ERBB2: variants seen among roughly 807,000 people sequenced by gnomAD.
The protein encoded by ERBB2 is erb-b2 receptor tyrosine kinase 2.
ERBB2 carries 61 observed loss-of-function variants against 149.0 expected under a neutral mutation model. That is an observed-to-expected ratio of 0.41 (90% CI 0.33 to 0.51). The LOEUF is 0.51. ERBB2 is among the 20% of genes least tolerant of loss of function. The probability of loss-of-function intolerance (pLI) is 0.25; values close to 1 mark genes in which losing one functional copy is unlikely to be tolerated. For synonymous variants in ERBB2, 633 were observed against 678.8 expected (o/e 0.93, Z 1.05); for missense variants, 1,205 against 1,655.1 (o/e 0.73, Z 4.72).
rs201939892 is a variant in ERBB2 at position 39,723,690 on chromosome 17, C to T, written c.2208+30C>T. On this transcript the variant is annotated intron_variant, in intron 18 of 26. Transcript: ENST00000269571. This position sits in a 1 kb window ranked among gnomAD's most constrained non-coding sequence, Gnocchi z 6.2. Reference sequence around the variant, plus strand: ...GGGCCAGGTCCTGGGGTGGGCGGCCCCAGAGGATGGGGGCGGTGCCTGGAG... The same window carrying T: ...GGGCCAGGTCCTGGGGTGGGCGGCCTCAGAGGATGGGGGCGGTGCCTGGAG... 67 of 1,589,972 alleles carry T rather than the reference C, an allele frequency of 4.2e-5. No homozygotes were observed. Among genetic ancestry groups the T allele is most frequent in the Non-Finnish European group, 5.6e-5 (65 of 1,168,226 alleles).
Position 39,727,183 on chromosome 17 carries a change from T to A in ERBB2, c.3160-112T>A. 7.2e-7 allele frequency: 1 copy of A among 1,384,124 alleles called. No homozygotes were observed. Among genetic ancestry groups the A allele is most frequent in the South Asian group, 1.3e-5 (1 of 79,954 alleles). The allele number at this position is 1,384,124 out of a possible 1,614,324, so 85.7% of individuals were successfully genotyped here. A position where few individuals can be genotyped will look rare whatever the true frequency, so the allele number is the denominator to read the frequency against. Reference sequence around the variant, plus strand: ...CCCCATTCTCTCCACGGTGACTGTGTCATACCCCAAAGGTGACCTCTGTTT... The same window carrying A: ...CCCCATTCTCTCCACGGTGACTGTGACATACCCCAAAGGTGACCTCTGTTT... On this transcript the variant is annotated intron_variant, in intron 25 of 26. Transcript: ENST00000269571. The surrounding 1 kb of genome is among the most constrained non-coding windows in gnomAD (Gnocchi z 4.3).
chr17:39,700,026 T>C (rs764665578), upstream of ERBB2: 61 of 1,267,618 alleles, frequency 4.8e-5, no homozygotes, highest in South Asian at 9.3e-5. Flanking sequence ...GGAGGGCTGC[T>C]TGAGGAAGTA....
At position 39,728,531 on chromosome 17, in the gene ERBB2, TTTTTG is replaced by T. The variant is rs1420282176; in HGVS notation, c.*497_*501del. ...GTGCTTTTCTGTTTAGTTTTTACTT[TTTTTG>T]TTTTGTTTTTTTAAAGATGAAATAA... is the stretch of plus-strand genomic sequence containing the variant. On this transcript the variant is annotated 3_prime_UTR_variant, in exon 27 of 27. Coordinates refer to ENST00000269571, the MANE Select transcript of ERBB2 (RefSeq NM_004448.4). The T allele has an allele frequency of 1.3e-5, 3 of 235,780 alleles. No homozygotes were observed. Among genetic ancestry groups the T allele is most frequent in the African/African-American group, 2.2e-5 (1 of 45,420 alleles). The allele number at this position is 235,780 out of a possible 1,614,324, so 14.6% of individuals were successfully genotyped here.
chr17:39,693,758 G>A (rs1209688191), upstream of ERBB2, among the ~76,000 whole-genome samples: 1 of 140,082 alleles, frequency 7.1e-6, no homozygotes, highest in Admixed American at 7.1e-5. Context: ...ACTCCATCTC[G>A]AAAATAAAAT....
chr17:39,697,349 G>GTTT (rs1452125824), upstream of ERBB2, among the ~76,000 whole-genome samples: 19 of 132,330 alleles, frequency 1.4e-4, no homozygotes, highest in African/African-American at 4.0e-4. Context: ...TTGTTTTTTT[G>GTTT]TTTTGTTTTT....
intron 1 of ERBB2, 182 bp from the exon 2 acceptor site, chr17:39,706,808 A>T: frequency 2.2e-6 from 1 of 459,788 alleles, no homozygotes; most frequent in Non-Finnish European, 3.6e-6. Flanking sequence ...TCTACTTCCC[A>T]AGCACGCAAG....
intron 9 of ERBB2, among the ~76,000 whole-genome samples, chr17:39,713,493 G>A (rs1051004746): frequency 6.0e-5 from 9 of 149,758 alleles, no homozygotes; most frequent in Non-Finnish European, 1.0e-4. Context: ...GCTCACGCCT[G>A]TAATCCCAGC....
Position 39,726,207 on chromosome 17 carries a change from G to A in ERBB2, c.2872+354G>A. Reference sequence around the variant, plus strand: ...AAATTATCTGGGTGTGGTGGTGTGTGCCAGTAGTCCCAGCTACTCAGGAGA... The same window carrying A: ...AAATTATCTGGGTGTGGTGGTGTGTACCAGTAGTCCCAGCTACTCAGGAGA... On this transcript the variant is annotated intron_variant, in intron 23 of 26. Coordinates refer to ENST00000269571, the MANE Select transcript of ERBB2 (RefSeq NM_004448.4). The surrounding 1 kb of genome is among the most constrained non-coding windows in gnomAD (Gnocchi z 5.1). The A allele has an allele frequency of 2.4e-6, 1 of 409,432 alleles. No individual in the cohort carries two copies. 25.4% of individuals were successfully genotyped at this position (409,432 alleles called of 1,614,324 possible).
At chr17:39,691,362 T>C (rs893890302), upstream of ERBB2, among the ~76,000 whole-genome samples, 8 of 151,530 alleles carry the variant, frequency 5.3e-5, no homozygotes, top group Non-Finnish European at 1.2e-4. Flanking sequence ...GCCAACATGG[T>C]GAAACCCCAT....
chr17:39,691,574 TAC>T (rs1173386743), upstream of ERBB2, among the ~76,000 whole-genome samples: 1,604 of 121,982 alleles, frequency 0.013, 92 homozygotes, highest in African/African-American at 0.058. Context: ...TATATATATA[TAC>T]ACACACACAC....
intron 8 of ERBB2, 71 bp downstream of exon 8, chr17:39,712,118 C>T: frequency 1.2e-6 from 2 of 1,608,332 alleles, no homozygotes; most frequent in South Asian, 1.1e-5. Context: ...GCCCAGCCCA[C>T]CCTGTCCTAT....
chr17:39,713,770 A>G (rs976171841), intron 9 of ERBB2, among the ~76,000 whole-genome samples: 11 of 146,930 alleles, frequency 7.5e-5, no homozygotes, highest in Non-Finnish European at 1.5e-4. Context: ...AAAAAAAAAA[A>G]AAGGGTCAGG....
At chr17:39,690,788 G>A (rs950506984), upstream of ERBB2, among the ~76,000 whole-genome samples, 2 of 152,096 alleles carry the variant, frequency 1.3e-5, no homozygotes, top group African/African-American at 4.8e-5. Context: ...CTTCAACTCA[G>A]GCTTATTGAG....
chr17:39,689,351 A>G (rs1450053769), intron 2 of ERBB2, among the ~76,000 whole-genome samples: 1 of 152,146 alleles, frequency 6.6e-6, no homozygotes, highest in Non-Finnish European at 1.5e-5. Context: ...TTGACCACCC[A>G]ACTGATACTG....
At chr17:39,714,019 C>T (rs1467656082) in intron 9 of ERBB2, among the ~76,000 whole-genome samples, 1 of 141,256 alleles carries the variant, frequency 7.1e-6, no homozygotes, top group Non-Finnish European at 1.5e-5. Flanking sequence ...AATCATGTCA[C>T]TGTACTCCAG....
chr17:39,706,388 A>G (rs1261370033), intron 1 of ERBB2, among the ~76,000 whole-genome samples: 1 of 152,178 alleles, frequency 6.6e-6, no homozygotes, highest in Admixed American at 6.5e-5. Flanking sequence ...TTTTCTCTTC[A>G]TGGGGGACTC....
At chr17:39,712,671 A>G (rs2058879416) in intron 9 of ERBB2, among the ~76,000 whole-genome samples, 1 of 152,204 alleles carries the variant, frequency 6.6e-6, no homozygotes, top group African/African-American at 2.4e-5. Flanking sequence ...TGGAGGTCAG[A>G]CCATCTAGAT....
upstream of ERBB2, chr17:39,694,782 G>A (rs997132266): frequency 3.3e-5 from 5 of 152,212 alleles, no homozygotes; most frequent in African/African-American, 9.7e-5. Context: ...GTGAGCAAGT[G>A]ATGTCCTGAA....
At chr17:39,706,177 G>A (rs895343804) in intron 1 of ERBB2, among the ~76,000 whole-genome samples, 7 of 152,170 alleles carry the variant, frequency 4.6e-5, no homozygotes, top group East Asian at 1.9e-4. Context: ...GATGGCTCGC[G>A]CTGGGCAGGT....
Sources: allele counts gnomAD v4.1 joint callset (sites outside exome capture counted in the v4.1 genomes callset), GRCh38; gene constraint gnomAD v4.1.1; non-coding constraint Gnocchi (gnomAD v3.1); transcripts MANE v1.5; gene names NCBI Gene and HGNC (gene_info 2026-07-23, HGNC 2026-07-21).